CADPS2: variants seen among roughly 807,000 people sequenced by gnomAD.
The protein encoded by CADPS2 is calcium-dependent secretion activator 2.
In CADPS2, 93 loss-of-function variants were observed where a neutral mutation model predicts 172.5. The ratio of observed to expected loss-of-function variants is 0.54; its 90% CI spans 0.46 to 0.64. The LOEUF (loss-of-function observed/expected upper bound fraction) is 0.64. CADPS2 is among the 30% of genes least tolerant of loss of function. The pLI is 0.00. For missense variants in CADPS2, 1,420 were observed against 1,565.9 expected (o/e 0.91, Z 1.57); for synonymous variants, 546 against 555.2 (o/e 0.98, Z 0.23).
intron 6 of CADPS2, among the ~76,000 whole-genome samples, chr7:122,591,387 A>G (rs2070776550): frequency 6.6e-6 from 1 of 152,282 alleles, no homozygotes; most frequent in African/African-American, 2.4e-5. Context: ...GGAAGAATCA[A>G]TATCGTGAAA....
At chr7:122,565,923 A>G (rs2066406355) in intron 7 of CADPS2, among the ~76,000 whole-genome samples, 1 of 152,096 alleles carries the variant, frequency 6.6e-6, no homozygotes, top group African/African-American at 2.4e-5. Flanking sequence ...TTTGGCCAAC[A>G]TCTTCCCATT....
chr7:122,608,213 TAAAA>T (rs59329850), intron 6 of CADPS2, among the ~76,000 whole-genome samples: 1 of 140,678 alleles, frequency 7.1e-6, no homozygotes, highest in African/African-American at 2.6e-5. Flanking sequence ...AGACTCCGTC[TAAAA>T]AAAAAAAAAA....
chr7:122,783,508 C>A (rs1049687536), intron 1 of CADPS2, among the ~76,000 whole-genome samples: 1 of 152,158 alleles, frequency 6.6e-6, no homozygotes, highest in African/African-American at 2.4e-5. Context: ...CTGTCCCTTG[C>A]AGACCCTTGA....
chr7:122,463,374 C>A (rs1453770243), intron 14 of CADPS2, among the ~76,000 whole-genome samples: 1 of 151,548 alleles, frequency 6.6e-6, no homozygotes, highest in East Asian at 1.9e-4. Flanking sequence ...GGCTGGAGTG[C>A]AATGGCATGA....
At chr7:122,722,941 A>G (rs1179051646) in intron 2 of CADPS2, among the ~76,000 whole-genome samples, 2 of 152,094 alleles carry the variant, frequency 1.3e-5, no homozygotes, top group African/African-American at 2.4e-5. Flanking sequence ...ACGATTCCCT[A>G]TTTAATAAAT....
At chr7:122,509,411 T>C (rs868801575) in intron 9 of CADPS2, among the ~76,000 whole-genome samples, 86 of 152,190 alleles carry the variant, frequency 5.7e-4, no homozygotes, top group African/African-American at 2.0e-3. Flanking sequence ...GTCATGATTC[T>C]GACACATCAA....
intron 1 of CADPS2, among the ~76,000 whole-genome samples, chr7:122,759,615 T>C (rs975844732): frequency 6.6e-6 from 1 of 152,122 alleles, no homozygotes; most frequent in Non-Finnish European, 1.5e-5. Flanking sequence ...CTTAATTTTA[T>C]AGACTACATA....
At chr7:122,723,851 A>C (rs1182375920) in intron 2 of CADPS2, among the ~76,000 whole-genome samples, 1 of 152,168 alleles carries the variant, frequency 6.6e-6, no homozygotes, top group African/African-American at 2.4e-5. Flanking sequence ...TGCAGCCATA[A>C]AAAATGATGA....
chr7:122,719,382 G>C (rs1260188782), intron 2 of CADPS2, among the ~76,000 whole-genome samples: 1 of 147,858 alleles, frequency 6.8e-6, no homozygotes, highest in African/African-American at 2.5e-5. Flanking sequence ...CCGACTATCT[G>C]ACTATCCCCC....
At chr7:122,686,274 G>A (rs773207329) in intron 2 of CADPS2, among the ~76,000 whole-genome samples, 11 of 152,192 alleles carry the variant, frequency 7.2e-5, no homozygotes, top group Non-Finnish European at 1.3e-4. Context: ...AGTACTGGGA[G>A]AGGAAAGGAT....
At chr7:122,396,062 G>A (rs1452820384) in intron 20 of CADPS2, among the ~76,000 whole-genome samples, 1 of 152,076 alleles carries the variant, frequency 6.6e-6, no homozygotes, top group Non-Finnish European at 1.5e-5. Context: ...CACCCGCCTC[G>A]GCTTCCCAAA....
chr7:122,401,785 C>A (rs2045986048), intron 20 of CADPS2, among the ~76,000 whole-genome samples: 1 of 152,004 alleles, frequency 6.6e-6, no homozygotes, highest in Non-Finnish European at 1.5e-5. Context: ...TCTTTTTTGG[C>A]CAGAAATGGA....
intron 1 of CADPS2, among the ~76,000 whole-genome samples, chr7:122,866,618 T>A (rs1818386984): frequency 6.6e-6 from 1 of 152,200 alleles, no homozygotes; most frequent in African/African-American, 2.4e-5. Flanking sequence ...GGAGAATTGC[T>A]TGAACCCGGC....
intron 29 of CADPS2, among the ~76,000 whole-genome samples, chr7:122,324,711 A>T (rs2033448133): frequency 6.6e-6 from 1 of 152,118 alleles, no homozygotes; most frequent in Non-Finnish European, 1.5e-5. Flanking sequence ...TAAATAGGTG[A>T]TTCTCAATAG....
intron 2 of CADPS2, among the ~76,000 whole-genome samples, chr7:122,690,033 G>A (rs906795404): frequency 1.3e-5 from 2 of 152,152 alleles, no homozygotes; most frequent in Admixed American, 1.3e-4. Flanking sequence ...GCACACGCCA[G>A]GGCAAGCCAT....
At chr7:122,591,448 G>C (rs2133205831) in intron 6 of CADPS2, among the ~76,000 whole-genome samples, 1 of 152,112 alleles carries the variant, frequency 6.6e-6, no homozygotes, top group East Asian at 1.9e-4. Context: ...TCCCCATCAA[G>C]CTACCAATGA....
At chr7:122,661,708 A>G (rs2080553413) in intron 3 of CADPS2, among the ~76,000 whole-genome samples, 1 of 152,210 alleles carries the variant, frequency 6.6e-6, no homozygotes, top group African/African-American at 2.4e-5. Context: ...TATAGACTTT[A>G]GCCACTACAG....
intron 12 of CADPS2, among the ~76,000 whole-genome samples, chr7:122,477,490 T>A (rs548640597): frequency 4.2e-4 from 64 of 150,708 alleles, no homozygotes; most frequent in African/African-American, 1.5e-3. Flanking sequence ...CACTCCAGCC[T>A]GGGCTACAGA....
chr7:122,709,974 G>C (rs537041099), intron 2 of CADPS2, among the ~76,000 whole-genome samples: 2 of 150,916 alleles, frequency 1.3e-5, no homozygotes, highest in African/African-American at 4.9e-5. Flanking sequence ...GAGTTAATGG[G>C]TGCAGCACAC....
Sources: allele counts gnomAD v4.1 joint callset (sites outside exome capture counted in the v4.1 genomes callset), GRCh38; gene constraint gnomAD v4.1.1; transcripts MANE v1.5; gene names NCBI Gene and HGNC (gene_info 2026-07-23, HGNC 2026-07-21).